The following RHOBTB3 variants were observed in gnomAD, a reference collection of about 807,000 sequenced individuals.
The protein encoded by RHOBTB3 is rho-related BTB domain-containing protein 3.
A neutral mutation model predicts 67.2 loss-of-function variants in RHOBTB3; 47 were observed. The ratio of observed to expected loss-of-function variants is 0.70; its 90% CI spans 0.55 to 0.89. The LOEUF is 0.89. Among genes scored for constraint, RHOBTB3 ranks in the 40% least tolerant of loss-of-function variants. RHOBTB3 has a pLI of 0.00. For synonymous variants in RHOBTB3, 273 were observed against 274.2 expected (o/e 1.00, Z 0.04); for missense variants, 631 against 750.0 (o/e 0.84, Z 1.85).
rs879037198 is a variant in RHOBTB3 at position 95,793,484 on chromosome 5, T to TA, written c.*322dup. The TA allele has an allele frequency of 8.2e-3, 1,467 of 179,584 alleles. 12 individuals carry two copies. Among genetic ancestry groups the TA allele is most frequent in the African/African-American group, 0.022 (908 of 41,252 alleles). The allele number at this position is 179,584 out of a possible 1,614,324, so 11.1% of individuals were successfully genotyped here. On this transcript the variant is annotated 3_prime_UTR_variant, in exon 12 of 12. Transcript: ENST00000379982. The stretch of plus-strand genomic sequence containing the variant: ...CCTCTCAGTTAAGAAATGCTTAGAT[T>TA]AAAAAAAAAAAATTACGTAGGATTA...
rs138569996 is a variant in RHOBTB3 at position 95,794,525 on chromosome 5, TG to T, written c.*1354del. The T allele has an allele frequency of 6.7e-4, 105 of 156,122 alleles. No homozygotes were observed. Among genetic ancestry groups the T allele is most frequent in the Non-Finnish European group, 1.2e-3 (86 of 70,130 alleles). The allele number at this position is 156,122 out of a possible 1,614,324, so 9.7% of individuals were successfully genotyped here. ...CTTGTTACATAGAGGGAAAATGGAC[TG>T]GGATAGAGGACAGACTGATAGTTTC... On this transcript the variant is annotated 3_prime_UTR_variant, in exon 12 of 12. Transcript: ENST00000379982.
intron 6 of RHOBTB3, among the ~76,000 whole-genome samples, chr5:95,757,105 C>CT (rs556585513): frequency 3.9e-4 from 59 of 149,892 alleles, no homozygotes; most frequent in African/African-American, 1.2e-3. Flanking sequence ...ATAGACGTTA[C>CT]TTTTTTTTTT....
rs1252517982 is a variant in RHOBTB3 at position 95,794,783 on chromosome 5, C to T, written c.*1609C>T. The T allele has an allele frequency of 6.6e-6, 1 of 152,016 alleles. No homozygotes were observed. Among genetic ancestry groups the T allele is most frequent in the Non-Finnish European group, 1.5e-5 (1 of 68,010 alleles). The allele number at this position is 152,016 out of a possible 1,614,324, so 9.4% of individuals were successfully genotyped here. A position where few individuals can be genotyped will look rare whatever the true frequency, so the allele number is the denominator to read the frequency against. Reference sequence around the variant, plus strand: ...AATATTGGGACCCCATACCGTTAGCCCTTGTATGTATACCAACACTGCCAA... The same window carrying T: ...AATATTGGGACCCCATACCGTTAGCTCTTGTATGTATACCAACACTGCCAA... On this transcript the variant is annotated 3_prime_UTR_variant, in exon 12 of 12. Coordinates refer to ENST00000379982, the MANE Select transcript of RHOBTB3 (RefSeq NM_014899.4).
At position 95,731,891 on chromosome 5, in the gene RHOBTB3, G is replaced by T. The variant is rs1473617751; in HGVS notation, c.35G>T (p.Gly12Val). ...CACATCGTGGCGCTGGGGAACGAGGGGGACACATTCCACCAGGACAACCGG... is the reference window on the plus strand; with the variant it reads ...CACATCGTGGCGCTGGGGAACGAGGTGGACACATTCCACCAGGACAACCGG... Reference protein sequence around the residue: ...SIHIVALGNEGDTFHQDNRPS... With the variant: ...SIHIVALGNEVDTFHQDNRPS... The change falls in exon 2 of 12, where the codon GGG (glycine) becomes GTG (valine). Residue 12 changes from glycine to valine, a missense_variant. By Grantham distance (109) the Gly-to-Val change is moderately radical (BLOSUM62 -3). Coordinates refer to ENST00000379982, the MANE Select transcript of RHOBTB3 (RefSeq NM_014899.4). 6.2e-7 allele frequency: 1 copy of T among 1,613,870 alleles called. No homozygotes were observed. Among genetic ancestry groups the T allele is most frequent in the Non-Finnish European group, 8.5e-7 (1 of 1,179,850 alleles).
chr5:95,783,270 C>T (rs546754657), intron 9 of RHOBTB3, among the ~76,000 whole-genome samples: 13 of 151,532 alleles, frequency 8.6e-5, no homozygotes, highest in South Asian at 2.1e-4. Context: ...TACAGGCGCC[C>T]GCCACCACAC....
intron 8 of RHOBTB3, among the ~76,000 whole-genome samples, chr5:95,774,700 T>C (rs1745816809): frequency 6.6e-6 from 1 of 152,158 alleles, no homozygotes; most frequent in Admixed American, 6.5e-5. Flanking sequence ...TGGCAGTGTA[T>C]GAAAGTGCTT....
chr5:95,718,994 C>T (rs1033988557), intron 1 of RHOBTB3, among the ~76,000 whole-genome samples: 3 of 152,000 alleles, frequency 2.0e-5, no homozygotes, highest in South Asian at 4.1e-4. Context: ...GTGATATTAT[C>T]TAGGATTTGC....
intron 3 of RHOBTB3, among the ~76,000 whole-genome samples, chr5:95,743,096 TAAAAA>T (rs898481028): frequency 6.6e-6 from 1 of 151,986 alleles, no homozygotes; most frequent in East Asian, 1.9e-4. Flanking sequence ...AAAAAATAAA[TAAAAA>T]AAACTCTCAG....
chr5:95,793,656 T>C lies in RHOBTB3; in HGVS notation c.*482T>C. 1 of 184,408 alleles carries C rather than the reference T, an allele frequency of 5.4e-6. No individual in the cohort carries two copies. The highest frequency in any genetic ancestry group is 1.0e-4 in the South Asian group (1 of 9,814). 11.4% of individuals were successfully genotyped at this position (184,408 alleles called of 1,614,324 possible). A position where few individuals can be genotyped will look rare whatever the true frequency, so the allele number is the denominator to read the frequency against. ...TTTAGGAATAGAAATTTGCCGGCCATTTGGAAAGTGAAATGCCACTTAGTT... is the reference window on the plus strand; with the variant it reads ...TTTAGGAATAGAAATTTGCCGGCCACTTGGAAAGTGAAATGCCACTTAGTT... On this transcript the variant is annotated 3_prime_UTR_variant, in exon 12 of 12. Transcript: ENST00000379982.
chr5:95,727,419 G>T (rs1313143236), upstream of RHOBTB3, among the ~76,000 whole-genome samples: 1 of 152,174 alleles, frequency 6.6e-6, no homozygotes, highest in Non-Finnish European at 1.5e-5. Context: ...ACAATTTGGG[G>T]ACTAGTAATA....
chr5:95,758,728 G>T (rs1436808802), intron 6 of RHOBTB3, among the ~76,000 whole-genome samples: 2 of 152,208 alleles, frequency 1.3e-5, no homozygotes, highest in Non-Finnish European at 2.9e-5. Flanking sequence ...ACCTTAAAGT[G>T]TGTGCAGATC....
At chr5:95,763,660 T>A (rs1745455056) in intron 7 of RHOBTB3, 40 bp downstream of exon 7, 2 of 1,177,302 alleles carry the variant, frequency 1.7e-6, no homozygotes, top group East Asian at 2.3e-5. Context: ...TTTGACCCTC[T>A]GAATTATAAC....
At chr5:95,781,386 G>C (rs1260544884) in intron 9 of RHOBTB3, 1 of 152,228 alleles carries the variant, frequency 6.6e-6, no homozygotes, top group African/African-American at 2.4e-5. Flanking sequence ...GAATGGAAAG[G>C]TTTCTTACAC....
upstream of RHOBTB3, chr5:95,730,893 C>T (rs1423537177): frequency 2.2e-6 from 1 of 455,872 alleles, no homozygotes; most frequent in Non-Finnish European, 4.4e-6. Context: ...AAGCGGCAGA[C>T]GTGGTAAAGC....
At chr5:95,752,832 A>G (rs756078736) in intron 5 of RHOBTB3, among the ~76,000 whole-genome samples, 1 of 152,126 alleles carries the variant, frequency 6.6e-6, no homozygotes, top group Non-Finnish European at 1.5e-5. Context: ...TTCCCAGGAG[A>G]TGAAGGTGAA....
intron 11 of RHOBTB3, among the ~76,000 whole-genome samples, chr5:95,789,856 T>C (rs1746325979): frequency 6.6e-6 from 1 of 152,212 alleles, no homozygotes; most frequent in Non-Finnish European, 1.5e-5. Flanking sequence ...GTAAAAGATA[T>C]AAAAATCATA....
rs1353908214 is a variant in RHOBTB3, at chr5:95,796,130, A to G, written c.*2956A>G. The G allele has an allele frequency of 6.6e-6, 1 of 152,254 alleles. No individual in the cohort carries two copies. Among genetic ancestry groups the G allele is most frequent in the Non-Finnish European group, 1.5e-5 (1 of 68,034 alleles). The allele number at this position is 152,254 out of a possible 1,614,324, so 9.4% of individuals were successfully genotyped here. A position where few individuals can be genotyped will look rare whatever the true frequency, so the allele number is the denominator to read the frequency against. On this transcript the variant is annotated 3_prime_UTR_variant, in exon 12 of 12. Coordinates refer to ENST00000379982, the MANE Select transcript of RHOBTB3 (RefSeq NM_014899.4). ...CAATTGGATAAATTTGACTTCCAAG[A>G]CAGCTAAACTTTTCAACTGCAATTT...
chr5:95,753,696 G>T (rs930146157), intron 5 of RHOBTB3, among the ~76,000 whole-genome samples: 1 of 152,162 alleles, frequency 6.6e-6, no homozygotes, highest in Non-Finnish European at 1.5e-5. Context: ...ATTAGAAAAT[G>T]GGTGGGAAAT....
intron 3 of RHOBTB3, among the ~76,000 whole-genome samples, chr5:95,740,571 T>C (rs1246563021): frequency 6.6e-6 from 1 of 152,214 alleles, no homozygotes; most frequent in Non-Finnish European, 1.5e-5. Flanking sequence ...TGTGAAGATA[T>C]ATTGCTCAGG....
Sources: allele counts gnomAD v4.1 joint callset (sites outside exome capture counted in the v4.1 genomes callset), GRCh38; gene constraint gnomAD v4.1.1; transcripts MANE v1.5; gene names NCBI Gene and HGNC (gene_info 2026-07-23, HGNC 2026-07-21).